Variants in GGA3 observed in about 807,000 individuals in gnomAD.
GGA3 encodes golgi associated, gamma adaptin ear containing, ARF binding protein 3.
Under a neutral mutation model 77.5 loss-of-function variants are expected in GGA3, and 57 were observed. That is an observed-to-expected ratio of 0.74 (90% CI 0.59 to 0.92). The LOEUF is 0.92. Ranked by LOEUF, GGA3 falls within the 40% of genes least tolerant of loss-of-function variation. GGA3 has a pLI of 0.00. For synonymous variants in GGA3, 416 were observed against 383.7 expected (o/e 1.08, Z -0.98); for missense variants, 970 against 914.9 (o/e 1.06, Z -0.78).
In GGA3 at chr17:75,251,685, G is replaced by A. The variant is rs139279781; in HGVS notation, c.41-4889C>T. 5.1e-4 allele frequency among the ~76,000 whole-genome samples: 59 copies of A among 114,786 alleles called. No homozygotes were observed. The East Asian group carries it at 0.016, about 30-fold the overall frequency. 75.3% of individuals were successfully genotyped at this position (114,786 alleles called of 152,430 possible). ...TGTGCCACTGCACTCTAGCCTGGGC[G>A]ACTAGAGTGAGACTCCTTCTCAAAA... is the stretch of plus-strand genomic sequence containing the variant. On this transcript the variant is annotated intron_variant, in intron 1 of 16. Transcript: ENST00000537686.
chr17:75,242,495 A>G, intron 7 of GGA3, 22 bp from the exon 8 acceptor site: 1 of 1,614,040 alleles, frequency 6.2e-7, no homozygotes. Flanking sequence ...AAGAAGTTCA[A>G]GAGAAAGAGA....
chr17:75,261,477 G>C (rs1359165557), intron 1 of GGA3, 71 bp downstream of exon 1: 1 of 1,237,328 alleles, frequency 8.1e-7, no homozygotes, highest in Non-Finnish European at 1.1e-6. Flanking sequence ...AGCCCGGGGA[G>C]GGGACGTGGG....
chr17:75,238,593 G>A (rs767913046), intron 16 of GGA3, 59 bp downstream of exon 16: 13 of 1,246,468 alleles, frequency 1.0e-5, no homozygotes, highest in Middle Eastern at 4.4e-4. Context: ...TGGGCCTGAC[G>A]TCCTAATCTG....
At position 75,242,324 on chromosome 17, in the gene GGA3, C is replaced by CA; in HGVS notation, c.747+11_747+12insT. The CA allele has an allele frequency of 6.2e-7, 1 of 1,614,102 alleles. No homozygotes were observed. The highest frequency in any genetic ancestry group is 8.5e-7 in the Non-Finnish European group (1 of 1,179,976). ...AGCCCCGGGAGGCAGCCTTTGCCGTCGGCGGTCCCACCTTCATCAGCTCTC... is the reference window on the plus strand; with the variant it reads ...AGCCCCGGGAGGCAGCCTTTGCCGTCAGGCGGTCCCACCTTCATCAGCTCTC... On this transcript the variant is annotated intron_variant, in intron 8 of 16. Coordinates refer to ENST00000537686, the MANE Select transcript of GGA3 (RefSeq NM_138619.4).
At position 75,242,341 on chromosome 17, in the gene GGA3, T is replaced by A; in HGVS notation, c.742A>T (p.Met248Leu). Residue 248 changes from methionine to leucine, a missense_variant, in exon 8 of 17, where the codon ATG becomes TTG. Transcript: ENST00000537686. ...TTTGCCGTCGGCGGTCCCACCTTCA[T>A]CAGCTCTCTGTCCCCGTCCGAAGAG... ...EDSSDGDREL[M>L]KELFDQCENK... The A allele has an allele frequency of 6.2e-7, 1 of 1,614,180 alleles. No individual in the cohort carries two copies. Among genetic ancestry groups the A allele is most frequent in the Non-Finnish European group, 8.5e-7 (1 of 1,180,018 alleles).
Position 75,237,541 on chromosome 17 carries a change from G to A in GGA3, c.*738C>T, listed in dbSNP as rs1421566007. The A allele has an allele frequency of 6.5e-7, 1 of 1,535,806 alleles. No individual in the cohort carries two copies. The highest frequency in any genetic ancestry group is 8.7e-7 in the Non-Finnish European group (1 of 1,146,750). On this transcript the variant is annotated 3_prime_UTR_variant, in exon 17 of 17. Transcript: ENST00000537686. ...AAGCTGAGTACCTGCTTCTGGAGAAGGGGAAATACTGGCTCTCTTCATTTT... is the reference window on the plus strand; with the variant it reads ...AAGCTGAGTACCTGCTTCTGGAGAAAGGGAAATACTGGCTCTCTTCATTTT...
rs114734113 is a variant in GGA3 at position 75,261,124 on chromosome 17, C to T, written c.40+424G>A. Among the ~76,000 whole-genome samples, 572 of 152,380 alleles carry T rather than the reference C, an allele frequency of 3.8e-3. 5 individuals are homozygous for T. Among genetic ancestry groups the T allele is most frequent in the African/African-American group, 0.013 (551 of 41,588 alleles). On this transcript the variant is annotated intron_variant, in intron 1 of 16. Transcript: ENST00000537686. ...GCGACTGAACGCAGTCGGCAGCACC[C>T]ACCACTACCGGAGACTCAGCCCCAA...
At position 75,238,698 on chromosome 17, in the gene GGA3, G is replaced by T; in HGVS notation, c.2015C>A (p.Pro672Gln). 6.2e-7 allele frequency: 1 copy of T among 1,614,054 alleles called. No homozygotes were observed. Among genetic ancestry groups the T allele is most frequent in the East Asian group, 2.2e-5 (1 of 44,886 alleles). Reference protein sequence around the residue: ...TELSPFSPIQPPAAITQVMLL... With the variant: ...TELSPFSPIQQPAAITQVMLL... ...CATGACCTGGGTGATGGCTGCAGGTGGCTGGATGGGGCTAAATGGAGAGAG... is the reference window on the plus strand; with the variant it reads ...CATGACCTGGGTGATGGCTGCAGGTTGCTGGATGGGGCTAAATGGAGAGAG... The change falls in exon 16 of 17, where the codon CCA (proline) becomes CAA (glutamine). Residue 672 changes from proline to glutamine, a missense_variant. Pro to Gln is a moderately conservative substitution (Grantham distance 76, BLOSUM62 -1). Transcript: ENST00000537686.
chr17:75,238,109 G>A lies in GGA3; in HGVS notation c.*170C>T. ...ACAGGTCCTTTTAGGGGCCAAAGGAGAGGTTATCACAGCAGCAGTTTGGTT... is the reference window on the plus strand; with the variant it reads ...ACAGGTCCTTTTAGGGGCCAAAGGAAAGGTTATCACAGCAGCAGTTTGGTT... On this transcript the variant is annotated 3_prime_UTR_variant, in exon 17 of 17. Coordinates refer to ENST00000537686, the MANE Select transcript of GGA3 (RefSeq NM_138619.4). 1 of 1,410,542 alleles carries A rather than the reference G, an allele frequency of 7.1e-7. No individual in the cohort carries two copies. The highest frequency in any genetic ancestry group is 9.2e-7 in the Non-Finnish European group (1 of 1,086,024). The allele number at this position is 1,410,542 out of a possible 1,614,324, so 87.4% of individuals were successfully genotyped here. A position where few individuals can be genotyped will look rare whatever the true frequency, so the allele number is the denominator to read the frequency against.
intron 12 of GGA3, 61 bp from the exon 13 acceptor site, chr17:75,240,169 G>A (rs939095670): frequency 6.0e-6 from 8 of 1,333,396 alleles, no homozygotes; most frequent in African/African-American, 1.5e-5. Context: ...CCGCTGGAAC[G>A]GGGCGCAGCC....
chr17:75,262,129 C>T (rs2077410123), upstream of GGA3: 1 of 978,180 alleles, frequency 1.0e-6, no homozygotes, highest in Admixed American at 2.6e-5. Flanking sequence ...TGACCCTGCG[C>T]CAATCCGAAG....
At chr17:75,261,650 C>CTCACACCTGTAATCCCA, upstream of GGA3, 1 of 1,440,154 alleles carries the variant, frequency 6.9e-7, no homozygotes, top group Non-Finnish European at 9.3e-7. Context: ...TGAGACGGGG[C>CTCACACCTGTAATCCCA]GGGGCCTGCA....
Position 75,237,343 on chromosome 17 carries a change from C to A in GGA3, c.*936G>T. On this transcript the variant is annotated 3_prime_UTR_variant, in exon 17 of 17. Transcript: ENST00000537686. ...TTTGTGATCCTGAGGCCTCCTGTGT[C>A]CAGCCACAGGTGCCACACCACATGC... is the stretch of plus-strand genomic sequence containing the variant. 1.3e-6 allele frequency: 1 copy of A among 773,100 alleles called. No individual in the cohort carries two copies. The highest frequency in any genetic ancestry group is 1.5e-5 in the South Asian group (1 of 65,424). 47.9% of individuals were successfully genotyped at this position (773,100 alleles called of 1,614,324 possible).
rs1252236004 is a variant in GGA3, at chr17:75,238,496, A to C, written c.2062-107T>G. The C allele has an allele frequency of 2.8e-6, 3 of 1,056,388 alleles. No individual in the cohort carries two copies. The Admixed American group carries it at 6.4e-5, about 23-fold the overall frequency. The allele number at this position is 1,056,388 out of a possible 1,614,324, so 65.4% of individuals were successfully genotyped here. A position where few individuals can be genotyped will look rare whatever the true frequency, so the allele number is the denominator to read the frequency against. ...TAGAGGAATGGTCCCTTTTCCCCGC[A>C]ACCCCCAACCATGCTCAGACACTTA... On this transcript the variant is annotated intron_variant, in intron 16 of 16. Coordinates refer to ENST00000537686, the MANE Select transcript of GGA3 (RefSeq NM_138619.4).
chr17:75,246,826 G>T, intron 1 of GGA3, 30 bp from the exon 2 acceptor site: 1 of 1,560,210 alleles, frequency 6.4e-7, no homozygotes, highest in Non-Finnish European at 8.8e-7. Flanking sequence ...GAGGACAAGT[G>T]TTAGGAAGAG....
intron 1 of GGA3, among the ~76,000 whole-genome samples, chr17:75,254,823 T>A (rs927239019): frequency 7.9e-5 from 12 of 152,132 alleles, no homozygotes; most frequent in Non-Finnish European, 8.8e-5. Flanking sequence ...CATTCCTCCA[T>A]AACTGCCTCC....
At chr17:75,249,059 AT>A (rs2076868939) in intron 1 of GGA3, 1 of 924,430 alleles carries the variant, frequency 1.1e-6, no homozygotes, top group African/African-American at 1.8e-5. Flanking sequence ...TTATTTATTT[AT>A]TTTGAGATTG....
At position 75,241,498 on chromosome 17, in the gene GGA3, C is replaced by A. The variant is rs1289147225; in HGVS notation, c.848G>T (p.Ser283Ile). Reference sequence around the variant, plus strand: ...GTTGATGACCCGGGAGAGGTTGTCACTGGCTTGCAGGATGTCCCCTGGAGC... The same window carrying A: ...GTTGATGACCCGGGAGAGGTTGTCAATGGCTTGCAGGATGTCCCCTGGAGC... ...DNSLGDILQA[S>I]DNLSRVINSY... is the part of the protein sequence containing the mutation. The change falls in exon 10 of 17, where the codon AGT (serine) becomes ATT (isoleucine). Residue 283 changes from serine to isoleucine, a missense_variant. Transcript: ENST00000537686. 6.2e-7 allele frequency: 1 copy of A among 1,613,622 alleles called. No homozygotes were observed. The highest frequency in any genetic ancestry group is 1.7e-5 in the Admixed American group (1 of 60,030).
At chr17:75,239,342 C>A in intron 14 of GGA3, 33 bp downstream of exon 14, 2 of 1,494,878 alleles carry the variant, frequency 1.3e-6, no homozygotes, top group Non-Finnish European at 1.8e-6. Flanking sequence ...ATAGGCCCCA[C>A]CGCCCCACCC....
Sources: gnomAD v4.1 joint callset for allele counts (sites outside exome capture counted in the v4.1 genomes callset) on GRCh38, gnomAD v4.1.1 for gene constraint, MANE v1.5 for transcripts, NCBI Gene and HGNC (gene_info 2026-07-23, HGNC 2026-07-21) for gene names.